WDR1: variants seen among roughly 807,000 people sequenced by gnomAD.
WDR1 encodes WD repeat domain 1.
A neutral mutation model predicts 71.9 loss-of-function variants in WDR1; 21 were observed. That is an observed-to-expected ratio of 0.29 (90% CI 0.21 to 0.42). The LOEUF is 0.42. WDR1 is among the 10% of genes least tolerant of loss of function. The pLI is 1.00. For missense variants in WDR1, 696 were observed against 824.5 expected, an observed-to-expected ratio of 0.84 and a Z score of 1.91; for synonymous variants, 424 against 347.4, an observed-to-expected ratio of 1.22 and a Z score of -2.45.
chr4:10,113,475 A>G (rs928681595), intron 2 of WDR1, among the ~76,000 whole-genome samples: 13 of 152,248 alleles, frequency 8.5e-5, no homozygotes, highest in Non-Finnish European at 1.6e-4. Context: ...GGCATGTTCA[A>G]GAAGCAGCAA....
At position 10,087,803 on chromosome 4, in the gene WDR1, G is replaced by A. The variant is rs913349960; in HGVS notation, c.855C>T (p.Cys285=). Residue 285 remains cysteine (C), a synonymous_variant, in exon 8 of 15, where the codon TGC becomes TGT. Coordinates refer to ENST00000499869, the MANE Select transcript of WDR1 (RefSeq NM_017491.5). The stretch of plus-strand genomic sequence containing the variant: ...TGAGCAGGTGGTCCTTCTGCCATAG[G>A]CAGCCCAGCTGCTGGTCCAGAACCG... The part of the protein sequence containing the change: ...GSTVLDQQLG[C]LWQKDHLLSV... 1.3e-6 allele frequency: 2 copies of A among 1,595,752 alleles called. No homozygotes were observed. The highest frequency in any genetic ancestry group is 1.7e-6 in the Non-Finnish European group (2 of 1,170,766).
At chr4:10,098,786 G>T (rs1284566287) in intron 4 of WDR1, among the ~76,000 whole-genome samples, 1 of 152,202 alleles carries the variant, frequency 6.6e-6, no homozygotes, top group Non-Finnish European at 1.5e-5. Flanking sequence ...TGAGTGCTGG[G>T]CCCTGGTGAC....
intron 5 of WDR1, 55 bp downstream of exon 5, chr4:10,097,656 T>G (rs1297548621): frequency 1.9e-6 from 3 of 1,557,232 alleles, no homozygotes; most frequent in Non-Finnish European, 2.6e-6. Flanking sequence ...AGGCTCAGCC[T>G]CTGCTAGCCT....
Position 10,116,111 on chromosome 4 carries a change from A to T in WDR1, c.138+2T>A. The T allele has an allele frequency of 6.2e-7, 1 of 1,612,192 alleles. No homozygotes were observed. The highest frequency in any genetic ancestry group is 8.5e-7 in the Non-Finnish European group (1 of 1,179,112). On this transcript the variant is annotated splice_donor_variant, in intron 2 of 14. Coordinates refer to ENST00000499869, the MANE Select transcript of WDR1 (RefSeq NM_017491.5). LOFTEE classifies it high-confidence loss of function. ...ACCGCGCCCGGGGTAGGGGGTACTCACGTCGATGTTCCTTAGGATGACGCA... is the reference window on the plus strand; with the variant it reads ...ACCGCGCCCGGGGTAGGGGGTACTCTCGTCGATGTTCCTTAGGATGACGCA...
chr4:10,090,528 C>T lies in WDR1; in HGVS notation c.559-1787G>A, dbSNP rs557378102. On this transcript the variant is annotated intron_variant, in intron 5 of 14. Coordinates refer to ENST00000499869, the MANE Select transcript of WDR1 (RefSeq NM_017491.5). ...GGCCCAAGAGTGATGCGACCCCAGA[C>T]CTGTGGCACAAAAGCAACCCTGGGC... is the stretch of plus-strand genomic sequence containing the variant. Among the ~76,000 whole-genome samples the T allele has an allele frequency of 2.0e-4, 31 of 152,322 alleles. No individual in the cohort carries two copies. The South Asian group carries it at 5.8e-3, about 28-fold the overall frequency.
At chr4:10,104,895 G>A (rs918368034) in intron 2 of WDR1, among the ~76,000 whole-genome samples, 35 of 152,090 alleles carry the variant, frequency 2.3e-4, no homozygotes, top group Non-Finnish European at 1.6e-4. Flanking sequence ...GAGGGTGCCC[G>A]GGCACCCCTA....
intron 3 of WDR1, among the ~76,000 whole-genome samples, chr4:10,101,757 G>T (rs547621815): frequency 2.0e-5 from 3 of 152,246 alleles, no homozygotes; most frequent in Admixed American, 6.5e-5. Flanking sequence ...GACAGGGCAC[G>T]GACAATGTGC....
chr4:10,084,392 T>A, intron 9 of WDR1, 51 bp downstream of exon 9: 1 of 1,555,906 alleles, frequency 6.4e-7, no homozygotes, highest in Non-Finnish European at 8.8e-7. Flanking sequence ...AACAGGAAAT[T>A]CCCCCCTAGA....
rs752635502 is a variant in WDR1 at position 10,084,400 on chromosome 4, AGAGCCAGCGGCTCCG to A, written c.1039+28_1039+42del. 126 of 1,574,328 alleles carry A rather than the reference AGAGCCAGCGGCTCCG, an allele frequency of 8.0e-5. 1 individual carries two copies. The South Asian group carries it at 1.1e-3, about 14-fold the overall frequency. On this transcript the variant is annotated intron_variant, in intron 9 of 14. Transcript: ENST00000499869. Reference sequence around the variant, plus strand: ...TCATGGGAACAGGAAATTCCCCCCTAGAGCCAGCGGCTCCGGAGCCAGCTCTTTGAGTCAAAGGAT... The same window carrying A: ...TCATGGGAACAGGAAATTCCCCCCTAGAGCCAGCTCTTTGAGTCAAAGGAT...
chr4:10,093,151 C>A (rs1432424494), intron 5 of WDR1: 3 of 1,289,380 alleles, frequency 2.3e-6, no homozygotes, highest in Non-Finnish European at 3.0e-6. Context: ...CTGTCTCCAG[C>A]ACACACATGC....
intron 2 of WDR1, among the ~76,000 whole-genome samples, chr4:10,114,646 G>C (rs527587510): frequency 3.9e-5 from 6 of 152,320 alleles, no homozygotes; most frequent in African/African-American, 1.4e-4. Context: ...ATCTCTTTAG[G>C]GTTGTCTCAA....
Position 10,075,145 on chromosome 4 carries a change from C to A in WDR1, c.*233G>T, listed in dbSNP as rs1171149623. The A allele has an allele frequency of 1.9e-6, 1 of 532,366 alleles. No individual in the cohort carries two copies. The highest frequency in any genetic ancestry group is 3.3e-6 in the Non-Finnish European group (1 of 300,128). The allele number at this position is 532,366 out of a possible 1,614,324, so 33.0% of individuals were successfully genotyped here. On this transcript the variant is annotated 3_prime_UTR_variant, in exon 15 of 15. Transcript: ENST00000499869. ...GGCTGTGGGTTTTAGTTATGCTCCACACATTGTTTAGGTGCTCGCTTTATT... is the reference window on the plus strand; with the variant it reads ...GGCTGTGGGTTTTAGTTATGCTCCAAACATTGTTTAGGTGCTCGCTTTATT...
intron 2 of WDR1, among the ~76,000 whole-genome samples, chr4:10,108,733 C>T (rs1713171155): frequency 6.6e-6 from 1 of 152,242 alleles, no homozygotes. Flanking sequence ...GGAATGTAAA[C>T]TTCTGCGACA....
intron 5 of WDR1, 51 bp downstream of exon 5, chr4:10,097,660 C>CT: frequency 6.4e-7 from 1 of 1,569,122 alleles, no homozygotes; most frequent in Non-Finnish European, 8.7e-7. Context: ...TCAGCCTCTG[C>CT]TAGCCTCATG....
rs181488117 is a variant in WDR1, at chr4:10,104,012, C to G, written c.139-26G>C. On this transcript the variant is annotated intron_variant, in intron 2 of 14. Transcript: ENST00000499869. The stretch of plus-strand genomic sequence containing the variant: ...CTGCAGGAGGAGACCCCGGAATGAA[C>G]AGAAGGAATGGAGAAGCAGTCAAGC... 1.9e-4 allele frequency: 303 copies of G among 1,573,480 alleles called. 1 individual carries two copies. In the African/African-American group the frequency reaches 3.7e-3, roughly 19 times the overall value.
At chr4:10,100,135 G>A (rs190801220) in intron 3 of WDR1, among the ~76,000 whole-genome samples, 6 of 152,354 alleles carry the variant, frequency 3.9e-5, no homozygotes, top group Non-Finnish European at 7.3e-5. Flanking sequence ...GTCAGGACAC[G>A]TTAACAACCA....
At chr4:10,088,522 T>C (rs1459004835) in intron 6 of WDR1, 142 bp downstream of exon 6, 11 of 1,114,842 alleles carry the variant, frequency 9.9e-6, no homozygotes, top group Non-Finnish European at 1.3e-5. Context: ...TACTGGGCTC[T>C]GACGACGAGT....
chr4:10,103,267 TAC>T (rs5856031), intron 3 of WDR1, among the ~76,000 whole-genome samples: 79,895 of 142,620 alleles, frequency 0.56, 22,049 homozygotes, highest in African/African-American at 0.71. Flanking sequence ...CATTCACACA[TAC>T]ACACACACAC....
At position 10,075,438 on chromosome 4, in the gene WDR1, C is replaced by T. The variant is rs1313692766; in HGVS notation, c.1761G>A (p.Glu587=). The change falls in exon 15 of 15, where the codon GAG becomes GAA. Residue 587 remains glutamate, a synonymous_variant. Transcript: ENST00000499869. The part of the protein sequence containing the change: ...HHVSSLAWLD[E]HTLVTTSHDA... Reference sequence around the variant, plus strand: ...CATGGGAGGTCGTGACCAGCGTGTGCTCGTCCAGCCAGGCCAGGCTGCTGA... The same window carrying T: ...CATGGGAGGTCGTGACCAGCGTGTGTTCGTCCAGCCAGGCCAGGCTGCTGA... 9.3e-6 allele frequency: 15 copies of T among 1,614,010 alleles called. No individual in the cohort carries two copies. Among genetic ancestry groups the T allele is most frequent in the Non-Finnish European group, 1.1e-5 (13 of 1,179,900 alleles).
Sources: allele counts gnomAD v4.1 joint callset (sites outside exome capture counted in the v4.1 genomes callset), GRCh38; gene constraint gnomAD v4.1.1; transcripts MANE v1.5; gene names NCBI Gene and HGNC (gene_info 2026-07-23, HGNC 2026-07-21).